The following NIBAN1 variants were observed in gnomAD, a reference collection of about 807,000 sequenced individuals.
The protein encoded by NIBAN1 is niban apoptosis regulator 1, also known as protein Niban 1.
A neutral mutation model predicts 75.1 loss-of-function variants in NIBAN1; 81 were observed. The ratio of observed to expected loss-of-function variants is 1.08; its 90% confidence interval spans 0.90 to 1.30. The LOEUF is 1.30. Among genes scored for constraint, NIBAN1 ranks in the 50% most tolerant of loss-of-function variants. The probability of loss-of-function intolerance (pLI) is 0.00; values close to 1 mark genes in which losing one functional copy is unlikely to be tolerated. For missense variants in NIBAN1, 1,133 were observed against 1,128.1 expected (o/e 1.00, Z -0.06); for synonymous variants, 436 against 424.8 (o/e 1.03, Z -0.32).
chr1:184,875,226 T>A (rs1196415620), intron 5 of NIBAN1, among the ~76,000 whole-genome samples: 3 of 152,224 alleles, frequency 2.0e-5, no homozygotes, highest in African/African-American at 7.2e-5. Flanking sequence ...AATGAGTATA[T>A]TAGCTTTCTA....
chr1:184,818,581 A>G lies in NIBAN1; in HGVS notation c.1173+57T>C. The G allele has an allele frequency of 4.8e-6, 7 of 1,460,868 alleles. No homozygotes were observed. In the East Asian group the frequency reaches 9.5e-5, roughly 20 times the overall value. 90.5% of individuals were successfully genotyped at this position (1,460,868 alleles called of 1,614,324 possible). On this transcript the variant is annotated intron_variant, in intron 9 of 13. Transcript: ENST00000367511. Reference sequence around the variant, plus strand: ...AGGGAGAAATGGCAGATAAAGCCCCATGGAAAACACAGCCAGGCAGACCAT... The same window carrying G: ...AGGGAGAAATGGCAGATAAAGCCCCGTGGAAAACACAGCCAGGCAGACCAT...
chr1:184,966,400 G>A (rs779493389), intron 1 of NIBAN1, among the ~76,000 whole-genome samples: 32 of 152,210 alleles, frequency 2.1e-4, no homozygotes, highest in Non-Finnish European at 4.1e-4. Context: ...TGTCAGCTAA[G>A]TCCAGCCACC....
At chr1:184,869,759 C>T (rs1018131679) in intron 5 of NIBAN1, among the ~76,000 whole-genome samples, 3 of 152,110 alleles carry the variant, frequency 2.0e-5, no homozygotes, top group African/African-American at 7.2e-5. Flanking sequence ...CCAGGCTAGT[C>T]TCAAACTCCT....
chr1:184,966,693 C>T (rs1658793021), intron 1 of NIBAN1, among the ~76,000 whole-genome samples: 1 of 152,050 alleles, frequency 6.6e-6, no homozygotes, highest in African/African-American at 2.4e-5. Context: ...AAGTATTTGC[C>T]TTATAATGAT....
chr1:184,894,008 C>T, intron 3 of NIBAN1, 67 bp downstream of exon 3: 3 of 1,493,036 alleles, frequency 2.0e-6, no homozygotes, highest in East Asian at 4.8e-5. Flanking sequence ...GGAGAGGGCA[C>T]ACCAATCAAC....
At chr1:184,837,205 C>G (rs1655166369) in intron 5 of NIBAN1, among the ~76,000 whole-genome samples, 1 of 152,178 alleles carries the variant, frequency 6.6e-6, no homozygotes, top group African/African-American at 2.4e-5. Flanking sequence ...TGCCAATAAG[C>G]AAATTGAGAG....
At chr1:184,933,714 T>C (rs1657883948) in intron 1 of NIBAN1, among the ~76,000 whole-genome samples, 1 of 152,254 alleles carries the variant, frequency 6.6e-6, no homozygotes, top group South Asian at 2.1e-4. Flanking sequence ...CTTCATCTTA[T>C]TATTATTTGT....
chr1:184,860,567 T>C (rs971856182), intron 5 of NIBAN1, among the ~76,000 whole-genome samples: 1 of 152,200 alleles, frequency 6.6e-6, no homozygotes, highest in African/African-American at 2.4e-5. Context: ...AGTGTATATA[T>C]ATTAAGTATT....
Position 184,796,248 on chromosome 1 carries a change from T to C in NIBAN1, c.1667-151A>G, listed in dbSNP as rs192223688. On this transcript the variant is annotated intron_variant, in intron 13 of 13. Coordinates refer to ENST00000367511, the MANE Select transcript of NIBAN1 (RefSeq NM_052966.4). Reference sequence around the variant, plus strand: ...CCTGATGACCAAAGTCTATAAACTCTTTCCAAACTCTGAGCCTCTGTAGCA... The same window carrying C: ...CCTGATGACCAAAGTCTATAAACTCCTTCCAAACTCTGAGCCTCTGTAGCA... 29 of 697,012 alleles carry C rather than the reference T, an allele frequency of 4.2e-5. No homozygotes were observed. In the African/African-American group the frequency reaches 4.4e-4, roughly 11 times the overall value. The allele number at this position is 697,012 out of a possible 1,614,324, so 43.2% of individuals were successfully genotyped here. A position where few individuals can be genotyped will look rare whatever the true frequency, so the allele number is the denominator to read the frequency against.
At position 184,899,197 on chromosome 1, in the gene NIBAN1, T is replaced by C. The variant is rs775143832; in HGVS notation, c.168A>G (p.Ser56=). The C allele has an allele frequency of 3.1e-6, 5 of 1,613,754 alleles. No individual in the cohort carries two copies. The African/African-American group carries it at 5.3e-5, about 17-fold the overall frequency. The stretch of plus-strand genomic sequence containing the variant: ...GGCTTACCTTGGTCTTCAAAAACTG[T>C]GACGTTAAATCTCTTTGCTGTTCTA... ...TEVEQQRDLT[S]QFLKTKPPLA... is the part of the protein sequence containing the mutation. The change falls in exon 2 of 14, where the codon TCA becomes TCG. Residue 56 remains serine, a synonymous_variant. Coordinates refer to ENST00000367511, the MANE Select transcript of NIBAN1 (RefSeq NM_052966.4).
At chr1:184,832,088 C>T (rs2102237573) in intron 5 of NIBAN1, 126 bp from the exon 6 acceptor site, 1 of 689,840 alleles carries the variant, frequency 1.4e-6, no homozygotes, top group East Asian at 2.6e-5. Flanking sequence ...TTATAAGACA[C>T]AGAGAAAGTT....
chr1:184,803,540 C>T (rs1654103868), intron 12 of NIBAN1, 45 bp downstream of exon 12: 1 of 1,494,290 alleles, frequency 6.7e-7, no homozygotes, highest in Non-Finnish European at 9.3e-7. Flanking sequence ...GTTTGAACTT[C>T]AGAGGTAAGA....
At chr1:184,869,590 C>T (rs1452187091) in intron 5 of NIBAN1, among the ~76,000 whole-genome samples, 3 of 151,808 alleles carry the variant, frequency 2.0e-5, no homozygotes, top group Admixed American at 6.6e-5. Context: ...TTTCCCAAGC[C>T]GGAGTGCAGT....
Position 184,795,507 on chromosome 1 carries a change from T to C in NIBAN1, c.2257A>G (p.Ser753Gly). ...TCGGGGTGGATGGCAGCTGCCTGAC[T>C]GGGCTCTTTTTCCTCTTCTTCTTCA... is the stretch of plus-strand genomic sequence containing the variant. Reference protein sequence around the residue: ...ENEEEEEKEPSQAAAIHPDNC... With the variant: ...ENEEEEEKEPGQAAAIHPDNC... The change falls in exon 14 of 14, where the codon AGT (serine) becomes GGT (glycine). Residue 753 changes from serine to glycine, a missense_variant. Transcript: ENST00000367511. The C allele has an allele frequency of 6.2e-7, 1 of 1,613,720 alleles. No individual in the cohort carries two copies. The highest frequency in any genetic ancestry group is 8.5e-7 in the Non-Finnish European group (1 of 1,179,946).
chr1:184,803,489 G>A, intron 12 of NIBAN1, 96 bp downstream of exon 12: 3 of 895,852 alleles, frequency 3.3e-6, no homozygotes, highest in Non-Finnish European at 1.8e-6. Context: ...TCCCTCCCTG[G>A]TCTAGTCTGC....
chr1:184,940,120 G>A (rs1037217171), intron 1 of NIBAN1, among the ~76,000 whole-genome samples: 3 of 152,130 alleles, frequency 2.0e-5, no homozygotes, highest in African/African-American at 4.8e-5. Flanking sequence ...ATAGGTGAAG[G>A]GGCCAGGTCC....
At chr1:184,904,006 C>T (rs1486184152) in intron 1 of NIBAN1, among the ~76,000 whole-genome samples, 1 of 152,004 alleles carries the variant, frequency 6.6e-6, no homozygotes, top group Non-Finnish European at 1.5e-5. Flanking sequence ...TAGTGATTCT[C>T]CTGCCTCAGC....
intron 9 of NIBAN1, among the ~76,000 whole-genome samples, chr1:184,809,963 T>C (rs1285438969): frequency 6.6e-6 from 1 of 152,106 alleles, no homozygotes; most frequent in Non-Finnish European, 1.5e-5. Flanking sequence ...TTTTATGTGC[T>C]AGATAAGAAT....
chr1:184,866,783 A>T (rs1422279982), intron 5 of NIBAN1, among the ~76,000 whole-genome samples: 1 of 152,198 alleles, frequency 6.6e-6, no homozygotes, highest in Non-Finnish European at 1.5e-5. Context: ...TGGTAATTTC[A>T]CTACCCTTCA....
Sources: allele counts gnomAD v4.1 joint callset (sites outside exome capture counted in the v4.1 genomes callset), GRCh38; gene constraint gnomAD v4.1.1; transcripts MANE v1.5; gene names NCBI Gene and HGNC (gene_info 2026-07-23, HGNC 2026-07-21).